CACNA2D1: variants seen among roughly 807,000 people sequenced by gnomAD.
The protein encoded by CACNA2D1 is voltage-dependent calcium channel subunit alpha-2/delta-1.
Under a neutral mutation model 171.5 loss-of-function variants are expected in CACNA2D1, and 53 were observed. The ratio of observed to expected loss-of-function variants is 0.31; its 90% confidence interval spans 0.25 to 0.39. The LOEUF is 0.39. Ranked by LOEUF, CACNA2D1 falls within the 10% of genes least tolerant of loss-of-function variation. The pLI, the probability that CACNA2D1 is intolerant of heterozygous loss-of-function variation, is 1.00. For missense variants in CACNA2D1, 903 were observed against 1,299.8 expected, an observed-to-expected ratio of 0.69 and a Z score of 4.69; for synonymous variants, 442 against 443.1, an observed-to-expected ratio of 1.00 and a Z score of 0.03.
chr7:82,229,279 C>T (rs1319986958), intron 3 of CACNA2D1, among the ~76,000 whole-genome samples: 3 of 152,108 alleles, frequency 2.0e-5, no homozygotes, highest in Non-Finnish European at 4.4e-5. Flanking sequence ...ATGCACCAAA[C>T]GCAAGGCCCT....
intron 2 of CACNA2D1, among the ~76,000 whole-genome samples, chr7:82,338,804 T>A (rs776800559): frequency 8.5e-5 from 13 of 152,152 alleles, no homozygotes; most frequent in Non-Finnish European, 1.6e-4. Context: ...CATGGAAATT[T>A]AAGAAAGCCC....
intron 1 of CACNA2D1, among the ~76,000 whole-genome samples, chr7:82,350,382 C>T (rs1362021614): frequency 6.6e-6 from 1 of 152,050 alleles, no homozygotes; most frequent in Non-Finnish European, 1.5e-5. Flanking sequence ...ATTTTATTTC[C>T]GGGCCAGACA....
chr7:82,443,625 G>A lies in CACNA2D1; in HGVS notation c.-166C>T. On this transcript the variant is annotated 5_prime_UTR_variant, in exon 1 of 39. Coordinates refer to ENST00000356860, the MANE Select transcript of CACNA2D1 (RefSeq NM_000722.4). The stretch of plus-strand genomic sequence containing the variant: ...GCGGAGCCGCGCGGGGGACGGCAAG[G>A]GCGGGAGCGGACGCCGAGGAAGGGG... The A allele has an allele frequency of 7.6e-7, 1 of 1,318,696 alleles. No homozygotes were observed. The highest frequency in any genetic ancestry group is 9.6e-7 in the Non-Finnish European group (1 of 1,040,220). The allele number at this position is 1,318,696 out of a possible 1,614,324, so 81.7% of individuals were successfully genotyped here. A position where few individuals can be genotyped will look rare whatever the true frequency, so the allele number is the denominator to read the frequency against.
chr7:82,242,721 A>G (rs2129298044), intron 3 of CACNA2D1, among the ~76,000 whole-genome samples: 1 of 152,326 alleles, frequency 6.6e-6, no homozygotes, highest in South Asian at 2.1e-4. Flanking sequence ...TTCTCCAAAT[A>G]GAGTCACTGC....
chr7:82,322,059 G>A (rs1365546938), intron 3 of CACNA2D1, among the ~76,000 whole-genome samples: 5 of 142,716 alleles, frequency 3.5e-5, no homozygotes, highest in Admixed American at 2.9e-4. Flanking sequence ...CCGGGAGGCG[G>A]AGCTTGCAGT....
At chr7:82,084,373 T>C (rs1810191903) in intron 7 of CACNA2D1, among the ~76,000 whole-genome samples, 1 of 152,210 alleles carries the variant, frequency 6.6e-6, no homozygotes. Context: ...CACATTAAAC[T>C]TTTGTTACAA....
intron 10 of CACNA2D1, among the ~76,000 whole-genome samples, chr7:82,048,177 A>G (rs1804767750): frequency 6.6e-6 from 1 of 152,218 alleles, no homozygotes; most frequent in African/African-American, 2.4e-5. Context: ...CTAGGGTTGA[A>G]GGAATTATAT....
chr7:82,244,892 C>T (rs143061806), intron 3 of CACNA2D1, among the ~76,000 whole-genome samples: 101 of 152,098 alleles, frequency 6.6e-4, no homozygotes, highest in African/African-American at 2.2e-3. Context: ...CCTAACAGTC[C>T]CAACTTTCCA....
chr7:82,144,109 C>A (rs1173425996), intron 4 of CACNA2D1, among the ~76,000 whole-genome samples: 1 of 151,994 alleles, frequency 6.6e-6, no homozygotes, highest in Non-Finnish European at 1.5e-5. Flanking sequence ...TAGTTACGGT[C>A]ATAAAAGCTG....
intron 20 of CACNA2D1, among the ~76,000 whole-genome samples, chr7:81,992,791 C>T (rs1358511266): frequency 2.0e-5 from 3 of 152,118 alleles, no homozygotes; most frequent in Non-Finnish European, 4.4e-5. Context: ...AAAGTATTCT[C>T]AGATTAGCTT....
At chr7:82,223,526 A>T (rs1802017568) in intron 3 of CACNA2D1, among the ~76,000 whole-genome samples, 1 of 152,204 alleles carries the variant, frequency 6.6e-6, no homozygotes, top group African/African-American at 2.4e-5. Flanking sequence ...GCATCAGGGC[A>T]TCCTTGCACT....
chr7:82,198,554 A>G (rs1799078881), intron 3 of CACNA2D1, among the ~76,000 whole-genome samples: 2 of 149,296 alleles, frequency 1.3e-5, no homozygotes, highest in South Asian at 4.2e-4. Flanking sequence ...GTCAGGCACC[A>G]GTTTTTACGC....
intron 6 of CACNA2D1, among the ~76,000 whole-genome samples, chr7:82,087,567 A>T (rs886585649): frequency 1.3e-5 from 2 of 152,022 alleles, no homozygotes; most frequent in East Asian, 3.9e-4. Flanking sequence ...AGCTAAAAAA[A>T]AAAAAAAAAT....
In CACNA2D1 at chr7:81,964,126, A is replaced by G. The variant is rs532517591; in HGVS notation, c.2728-18T>C. ...ACTGATGGCTATAAAATAAAATAAT[A>G]AGGTCATTTCAGTAGTCTACTTGAT... On this transcript the variant is annotated intron_variant, in intron 33 of 38. Coordinates refer to ENST00000356860, the MANE Select transcript of CACNA2D1 (RefSeq NM_000722.4). 7 of 1,611,962 alleles carry G rather than the reference A, an allele frequency of 4.3e-6. No individual in the cohort carries two copies. In the East Asian group the frequency reaches 1.6e-4, roughly 36 times the overall value.
chr7:82,022,251 A>G (rs1486867523), intron 12 of CACNA2D1, among the ~76,000 whole-genome samples: 1 of 150,882 alleles, frequency 6.6e-6, no homozygotes, highest in African/African-American at 2.4e-5. Context: ...ACACACACAC[A>G]CGTGCATAAA....
At chr7:82,195,706 A>T (rs1275149811) in intron 3 of CACNA2D1, among the ~76,000 whole-genome samples, 3 of 151,750 alleles carry the variant, frequency 2.0e-5, no homozygotes, top group Non-Finnish European at 4.4e-5. Flanking sequence ...TACCAAATTG[A>T]AACCTTTCAA....
intron 38 of CACNA2D1, among the ~76,000 whole-genome samples, chr7:81,957,801 C>T: frequency 6.6e-6 from 1 of 152,116 alleles, no homozygotes; most frequent in East Asian, 1.9e-4. Context: ...GCTTCAATTG[C>T]TGAACATTTT....
intron 6 of CACNA2D1, among the ~76,000 whole-genome samples, chr7:82,096,959 G>C (rs901280324): frequency 1.3e-5 from 2 of 152,064 alleles, no homozygotes; most frequent in Admixed American, 6.6e-5. Flanking sequence ...ATTTTGCTTT[G>C]CATAACAGAC....
chr7:82,378,795 G>A (rs1823318327), intron 1 of CACNA2D1, among the ~76,000 whole-genome samples: 1 of 152,150 alleles, frequency 6.6e-6, no homozygotes, highest in Non-Finnish European at 1.5e-5. Flanking sequence ...AGCCACCATT[G>A]AAGATGTCCT....
Sources: allele counts gnomAD v4.1 joint callset (sites outside exome capture counted in the v4.1 genomes callset), GRCh38; gene constraint gnomAD v4.1.1; transcripts MANE v1.5; gene names NCBI Gene and HGNC (gene_info 2026-07-23, HGNC 2026-07-21).